Variants in GPM6A observed in about 807,000 individuals in gnomAD.
GPM6A encodes the protein neuronal membrane glycoprotein M6-a.
In GPM6A, 7 loss-of-function variants were observed where a neutral mutation model predicts 32.1. The observed-to-expected ratio is 0.22, with a 90% CI of 0.12 to 0.41. The LOEUF (loss-of-function observed/expected upper bound fraction) is 0.41, where lower values mean the gene tolerates loss of function less well. GPM6A is among the 10% of genes least tolerant of loss of function. The pLI, the probability that GPM6A is intolerant of heterozygous loss-of-function variation, is 1.00. For missense variants in GPM6A, 235 were observed against 347.2 expected (o/e 0.68, Z 2.57); for synonymous variants, 130 against 123.4 (o/e 1.05, Z -0.35).
chr4:175,700,793 C>T (rs1320715704), intron 2 of GPM6A, among the ~76,000 whole-genome samples: 1 of 152,064 alleles, frequency 6.6e-6, no homozygotes, highest in Non-Finnish European at 1.5e-5. Flanking sequence ...AAATTATTTT[C>T]TTTTCATGGG....
intron 2 of GPM6A, among the ~76,000 whole-genome samples, chr4:175,677,493 G>C (rs981355549): frequency 6.6e-6 from 1 of 152,000 alleles, no homozygotes; most frequent in African/African-American, 2.4e-5. Context: ...ACAAATGAAT[G>C]GGGGGGAAGA....
At chr4:175,687,167 A>G (rs1744027757) in intron 2 of GPM6A, among the ~76,000 whole-genome samples, 1 of 152,182 alleles carries the variant, frequency 6.6e-6, no homozygotes, top group South Asian at 2.1e-4. Context: ...ATTATTTTTT[A>G]TTGCAGTAAA....
chr4:175,851,314 G>T (rs1167334969), intron 1 of GPM6A, among the ~76,000 whole-genome samples: 2 of 152,116 alleles, frequency 1.3e-5, no homozygotes, highest in East Asian at 3.9e-4. Flanking sequence ...GTGAAATCCT[G>T]TCTCTACTAA....
chr4:175,658,795 C>T (rs1453788025), intron 3 of GPM6A, among the ~76,000 whole-genome samples: 3 of 152,126 alleles, frequency 2.0e-5, no homozygotes, highest in Admixed American at 1.3e-4. Context: ...TATTCATGAG[C>T]ATATGTGAAA....
chr4:175,767,475 C>G (rs919290994), intron 1 of GPM6A, among the ~76,000 whole-genome samples: 1 of 152,180 alleles, frequency 6.6e-6, no homozygotes, highest in Non-Finnish European at 1.5e-5. Flanking sequence ...CCATGAAAAC[C>G]TCGAGAAATC....
chr4:175,917,097 C>T (rs914124581), intron 1 of GPM6A, among the ~76,000 whole-genome samples: 3 of 151,994 alleles, frequency 2.0e-5, no homozygotes, highest in Non-Finnish European at 2.9e-5. Context: ...AAATATCATC[C>T]GTCTATAGAA....
chr4:175,746,959 T>C (rs2111178796), intron 1 of GPM6A, among the ~76,000 whole-genome samples: 1 of 152,202 alleles, frequency 6.6e-6, no homozygotes, highest in Admixed American at 6.5e-5. Context: ...CACACTGCAA[T>C]ACTCAAATAC....
chr4:175,714,266 C>T (rs540971917), intron 1 of GPM6A, among the ~76,000 whole-genome samples: 2 of 152,256 alleles, frequency 1.3e-5, no homozygotes, highest in African/African-American at 4.8e-5. Context: ...TAAGGAATTA[C>T]TCTAAGAAAT....
intron 1 of GPM6A, among the ~76,000 whole-genome samples, chr4:175,880,911 T>C (rs1167116208): frequency 2.0e-5 from 3 of 152,268 alleles, no homozygotes; most frequent in East Asian, 3.9e-4. Flanking sequence ...GGCCAGAACG[T>C]CCAACACTAT....
chr4:175,658,331 A>G (rs1297932907), intron 3 of GPM6A, among the ~76,000 whole-genome samples: 1 of 152,008 alleles, frequency 6.6e-6, no homozygotes, highest in East Asian at 1.9e-4. Context: ...AAGGTCATTC[A>G]CTTACTGTGT....
chr4:175,792,824 T>G (rs1055814846), intron 1 of GPM6A, among the ~76,000 whole-genome samples: 3 of 152,204 alleles, frequency 2.0e-5, no homozygotes, highest in Non-Finnish European at 2.9e-5. Flanking sequence ...CTTTTACTTT[T>G]AAATATTTAT....
intron 5 of GPM6A, 57 bp downstream of exon 5, chr4:175,640,696 A>T: frequency 1.7e-6 from 2 of 1,155,056 alleles, no homozygotes; most frequent in Non-Finnish European, 2.6e-6. Flanking sequence ...CATTATCCAA[A>T]TAATAAAAAA....
intron 2 of GPM6A, among the ~76,000 whole-genome samples, chr4:175,696,522 T>C (rs1184315393): frequency 6.6e-6 from 1 of 152,202 alleles, no homozygotes; most frequent in East Asian, 1.9e-4. Flanking sequence ...ATGCACACTA[T>C]TTATTATTTC....
intron 1 of GPM6A, among the ~76,000 whole-genome samples, chr4:175,964,561 G>A (rs1359227038): frequency 6.6e-6 from 1 of 152,108 alleles, no homozygotes; most frequent in African/African-American, 2.4e-5. Context: ...TCTTCTCTTT[G>A]TATCGTTACA....
At chr4:175,932,962 A>G (rs1739099244) in intron 1 of GPM6A, among the ~76,000 whole-genome samples, 1 of 152,128 alleles carries the variant, frequency 6.6e-6, no homozygotes, top group Non-Finnish European at 1.5e-5. Flanking sequence ...TATGCTATCA[A>G]TTACAGTCAT....
At chr4:175,968,544 C>A (rs924767132) in intron 1 of GPM6A, among the ~76,000 whole-genome samples, 1 of 152,106 alleles carries the variant, frequency 6.6e-6, no homozygotes, top group African/African-American at 2.4e-5. Flanking sequence ...TAATGACTGG[C>A]ATCCAAAATA....
chr4:175,796,319 C>G (rs1390345), intron 1 of GPM6A, among the ~76,000 whole-genome samples: 69,081 of 151,912 alleles, frequency 0.45, 16,515 homozygotes, highest in Non-Finnish European at 0.53. Context: ...ATAACATGAT[C>G]AATGAAGATA....
chr4:175,735,713 C>A (rs766152822), intron 1 of GPM6A, among the ~76,000 whole-genome samples: 5 of 152,056 alleles, frequency 3.3e-5, no homozygotes, highest in Non-Finnish European at 7.4e-5. Flanking sequence ...GCGTGTGCCA[C>A]CACGCCCAGC....
At chr4:175,973,850 T>C (rs1259749466) in intron 1 of GPM6A, among the ~76,000 whole-genome samples, 1 of 152,228 alleles carries the variant, frequency 6.6e-6, no homozygotes, top group African/African-American at 2.4e-5. Flanking sequence ...AATTATCATA[T>C]GATGCTTTAT....
Sources: gnomAD v4.1 joint callset for allele counts (sites outside exome capture counted in the v4.1 genomes callset) on GRCh38, gnomAD v4.1.1 for gene constraint, MANE v1.5 for transcripts, NCBI Gene and HGNC (gene_info 2026-07-23, HGNC 2026-07-21) for gene names.